The following PTGDR variants were observed in gnomAD, a reference collection of about 807,000 sequenced individuals.
PTGDR encodes the protein prostaglandin D2 receptor.
In PTGDR, 19 loss-of-function variants were observed where a neutral mutation model predicts 17.4. The ratio of observed to expected loss-of-function variants is 1.09; its 90% CI spans 0.76 to 1.60. The LOEUF is 1.60. PTGDR is among the 40% of genes most tolerant of loss of function. The pLI is 0.00. For missense variants in PTGDR, 526 were observed against 481.9 expected, an observed-to-expected ratio of 1.09 and a Z score of -0.86; for synonymous variants, 267 against 224.2, an observed-to-expected ratio of 1.19 and a Z score of -1.71.
chr14:52,269,281 T>C (rs2033280173), intron 1 of PTGDR, among the ~76,000 whole-genome samples: 1 of 152,210 alleles, frequency 6.6e-6, no homozygotes, highest in Non-Finnish European at 1.5e-5. Flanking sequence ...ATTGTGGCGA[T>C]GGAGGCCGAG....
In PTGDR at chr14:52,268,337, G is replaced by A. The variant is rs1850409741; in HGVS notation, c.523G>A (p.Val175Met). Residue 175 changes from valine (V) to methionine (M), a missense_variant, in exon 1 of 2, where the codon GTG becomes ATG. By Grantham distance (21) the Val-to-Met change is conservative (BLOSUM62 1). Transcript: ENST00000306051. ...ACCTTTCATGGGCTTCGGGAAGTTC[G>A]TGCAGTACTGCCCCGGCACCTGGTG... ...ALPFMGFGKF[V>M]QYCPGTWCFI... is the part of the protein sequence containing the mutation. 5 of 1,613,598 alleles carry A rather than the reference G, an allele frequency of 3.1e-6. No homozygotes were observed. The highest frequency in any genetic ancestry group is 4.2e-6 in the Non-Finnish European group (5 of 1,180,042).
chr14:52,279,548 A>T (rs1455891655), downstream of PTGDR, among the ~76,000 whole-genome samples: 1 of 152,158 alleles, frequency 6.6e-6, no homozygotes, highest in Non-Finnish European at 1.5e-5. Flanking sequence ...CCCAGACTCT[A>T]GGTGGAGGAA....
intron 1 of PTGDR, among the ~76,000 whole-genome samples, chr14:52,268,895 GC>G (rs968658850): frequency 1.7e-4 from 26 of 152,178 alleles, no homozygotes; most frequent in African/African-American, 6.0e-4. Context: ...GCTGAGCCCG[GC>G]GGTGTCTCCC....
downstream of PTGDR, among the ~76,000 whole-genome samples, chr14:52,279,134 A>G (rs1411788211): frequency 6.6e-6 from 1 of 152,194 alleles, no homozygotes; most frequent in Non-Finnish European, 1.5e-5. Flanking sequence ...TATTGAATAA[A>G]ACGCGTTCTC....
downstream of PTGDR, among the ~76,000 whole-genome samples, chr14:52,278,168 G>A (rs554821406): frequency 1.3e-4 from 20 of 152,280 alleles, no homozygotes; most frequent in Non-Finnish European, 2.5e-4. Flanking sequence ...ACATGCACAC[G>A]TATGTTTATA....
chr14:52,269,596 C>A, intron 1 of PTGDR: 1 of 1,362,840 alleles, frequency 7.3e-7, no homozygotes, highest in Non-Finnish European at 1.0e-6. Flanking sequence ...ATCCCACGTT[C>A]TCGAAATCCT....
rs990503648 is a variant in PTGDR, at chr14:52,276,337, C to T, written c.*1373C>T. 6.6e-5 allele frequency: 10 copies of T among 152,162 alleles called. No individual in the cohort carries two copies. Among genetic ancestry groups the T allele is most frequent in the African/African-American group, 2.4e-4 (10 of 41,422 alleles). 9.4% of individuals were successfully genotyped at this position (152,162 alleles called of 1,614,324 possible). A position where few individuals can be genotyped will look rare whatever the true frequency, so the allele number is the denominator to read the frequency against. On this transcript the variant is annotated 3_prime_UTR_variant, in exon 2 of 2. Transcript: ENST00000306051. Reference sequence around the variant, plus strand: ...TTTGCGTGATCTCAAGACCTCCAGCCAGAAGTCCCTTCCAAATATAAGAGT... The same window carrying T: ...TTTGCGTGATCTCAAGACCTCCAGCTAGAAGTCCCTTCCAAATATAAGAGT...
chr14:52,279,867 CT>C (rs142721633), downstream of PTGDR, among the ~76,000 whole-genome samples: 256 of 146,306 alleles, frequency 1.7e-3, no homozygotes, highest in South Asian at 0.016. Context: ...AAGATATAAG[CT>C]TTTTTTTTTT....
chr14:52,267,922 G>T lies in PTGDR; in HGVS notation c.108G>T (p.Leu36=). Residue 36 remains leucine, a synonymous_variant, in exon 1 of 2, where the codon CTG becomes CTT. Coordinates refer to ENST00000306051, the MANE Select transcript of PTGDR (RefSeq NM_000953.3). ...LFSTGLLGNL[L]ALGLLARSGL... ...GCACCGGCCTCCTGGGCAACCTGCT[G>T]GCCCTGGGGCTGCTGGCGCGCTCGG... is the stretch of plus-strand genomic sequence containing the variant. 6.2e-7 allele frequency: 1 copy of T among 1,610,258 alleles called. No individual in the cohort carries two copies. Among genetic ancestry groups the T allele is most frequent in the South Asian group, 1.1e-5 (1 of 90,898 alleles).
intron 1 of PTGDR, among the ~76,000 whole-genome samples, chr14:52,269,770 T>C (rs2033290007): frequency 2.0e-5 from 3 of 152,062 alleles, no homozygotes; most frequent in Admixed American, 2.0e-4. Flanking sequence ...CATGCAGGGG[T>C]GGGAACAGTA....
Position 52,267,732 on chromosome 14 carries a change from G to A in PTGDR, c.-83G>A. 15 of 1,434,736 alleles carry A rather than the reference G, an allele frequency of 1.0e-5. No individual in the cohort carries two copies. Among genetic ancestry groups the A allele is most frequent in the Non-Finnish European group, 1.4e-5 (15 of 1,098,366 alleles). 88.9% of individuals were successfully genotyped at this position (1,434,736 alleles called of 1,614,324 possible). A position where few individuals can be genotyped will look rare whatever the true frequency, so the allele number is the denominator to read the frequency against. The stretch of plus-strand genomic sequence containing the variant: ...CTTCTCCGCCCGAGCCGCGCGCGGA[G>A]CTGCCGGGGGCTCCTTAGCACCCGG... On this transcript the variant is annotated 5_prime_UTR_variant, in exon 1 of 2. Coordinates refer to ENST00000306051, the MANE Select transcript of PTGDR (RefSeq NM_000953.3).
chr14:52,269,688 AG>A lies in PTGDR; in HGVS notation c.846+1031del, dbSNP rs1450150949. On this transcript the variant is annotated intron_variant, in intron 1 of 1. Coordinates refer to ENST00000306051, the MANE Select transcript of PTGDR (RefSeq NM_000953.3). Reference sequence around the variant, plus strand: ...GATATTACTTTCAATGGTGAATGAAAGGGAAATACAAAGCGATTTTCCTTTA... The same window carrying A: ...GATATTACTTTCAATGGTGAATGAAAGGAAATACAAAGCGATTTTCCTTTA... 4 of 732,386 alleles carry A rather than the reference AG, an allele frequency of 5.5e-6. No individual in the cohort carries two copies. In the African/African-American group the frequency reaches 7.1e-5, roughly 13 times the overall value. The allele number at this position is 732,386 out of a possible 1,614,324, so 45.4% of individuals were successfully genotyped here. A position where few individuals can be genotyped will look rare whatever the true frequency, so the allele number is the denominator to read the frequency against.
chr14:52,269,432 T>C (rs958921428), intron 1 of PTGDR: 2 of 1,489,624 alleles, frequency 1.3e-6, no homozygotes, highest in African/African-American at 2.9e-5. Context: ...GGAAATGAAA[T>C]TATCTCCTCA....
downstream of PTGDR, among the ~76,000 whole-genome samples, chr14:52,278,272 G>A (rs1027715496): frequency 1.3e-5 from 2 of 152,186 alleles, no homozygotes; most frequent in Non-Finnish European, 2.9e-5. Context: ...ATACACCATG[G>A]AATACTATGC....
chr14:52,274,207 C>T (rs1490810301), intron 1 of PTGDR, among the ~76,000 whole-genome samples: 1 of 152,114 alleles, frequency 6.6e-6, no homozygotes, highest in African/African-American at 2.4e-5. Flanking sequence ...TTTCCAATCT[C>T]TTCACATTGA....
At chr14:52,274,608 G>A in intron 1 of PTGDR, 123 bp from the exon 2 acceptor site, 1 of 814,122 alleles carries the variant, frequency 1.2e-6, no homozygotes, top group Non-Finnish European at 1.9e-6. Flanking sequence ...ACTTGTAAAT[G>A]TACCAAAAAT....
downstream of PTGDR, among the ~76,000 whole-genome samples, chr14:52,279,779 T>A (rs1594623805): frequency 6.7e-6 from 1 of 148,746 alleles, no homozygotes; most frequent in South Asian, 2.1e-4. Context: ...ACTTAAAGTA[T>A]AATAATAATA....
At chr14:52,268,690 C>A (rs767305088) in intron 1 of PTGDR, 30 bp downstream of exon 1, 1 of 1,532,596 alleles carries the variant, frequency 6.5e-7, no homozygotes, top group East Asian at 2.3e-5. Context: ...GGCAGCAGGG[C>A]ACTGAGACTG....
downstream of PTGDR, among the ~76,000 whole-genome samples, chr14:52,278,099 C>G (rs1168947674): frequency 6.6e-6 from 1 of 152,146 alleles, no homozygotes; most frequent in Non-Finnish European, 1.5e-5. Flanking sequence ...CCATTTCACC[C>G]AGCCATCCCA....
Sources: allele counts gnomAD v4.1 joint callset (sites outside exome capture counted in the v4.1 genomes callset), GRCh38; gene constraint gnomAD v4.1.1; transcripts MANE v1.5; gene names NCBI Gene and HGNC (gene_info 2026-07-23, HGNC 2026-07-21).